SLC6A13: variants seen among roughly 807,000 people sequenced by gnomAD.
SLC6A13 encodes solute carrier family 6 member 13.
SLC6A13 carries 69 observed loss-of-function variants against 72.9 expected under a neutral mutation model. The observed-to-expected ratio is 0.95, with a 90% confidence interval of 0.78 to 1.16. The LOEUF (loss-of-function observed/expected upper bound fraction) is 1.16, where lower values mean the gene tolerates loss of function less well. Ranked by LOEUF, SLC6A13 falls within the 50% of genes most tolerant of loss-of-function variation. The pLI is 0.00. For missense variants in SLC6A13, 735 were observed against 760.5 expected, an observed-to-expected ratio of 0.97 and a Z score of 0.39; for synonymous variants, 303 against 303.0, an observed-to-expected ratio of 1.00 and a Z score of 0.00.
At chr12:257,455 T>C (rs1206430573) in intron 2 of SLC6A13, among the ~76,000 whole-genome samples, 1 of 152,104 alleles carries the variant, frequency 6.6e-6, no homozygotes, top group Non-Finnish European at 1.5e-5. Flanking sequence ...GGGAAGAAGT[T>C]ACGGGTAGGT....
chr12:244,490 ACCAG>A (rs1591851004), intron 2 of SLC6A13, among the ~76,000 whole-genome samples: 1 of 151,986 alleles, frequency 6.6e-6, no homozygotes, highest in Non-Finnish European at 1.5e-5. Flanking sequence ...GGACTTCAAG[ACCAG>A]CCTGGGCAAC....
chr12:248,429 T>A (rs746942643), intron 2 of SLC6A13, among the ~76,000 whole-genome samples: 84 of 141,852 alleles, frequency 5.9e-4, no homozygotes, highest in Non-Finnish European at 1.1e-3. Flanking sequence ...AAAAAAGATA[T>A]ACCATGCTAA....
rs917425925 is a variant in SLC6A13 at position 227,775 on chromosome 12, G to A, written c.832-107C>T. Reference sequence around the variant, plus strand: ...GAGCCAGACACTGGCTAGGGATGGCGAGAAACCTGTTCTCAGCCAACACTT... The same window carrying A: ...GAGCCAGACACTGGCTAGGGATGGCAAGAAACCTGTTCTCAGCCAACACTT... On this transcript the variant is annotated intron_variant, in intron 7 of 14. Coordinates refer to ENST00000343164, the MANE Select transcript of SLC6A13 (RefSeq NM_016615.5). 94 of 926,656 alleles carry A rather than the reference G, an allele frequency of 1.0e-4. No individual in the cohort carries two copies. In the Middle Eastern group the frequency reaches 1.1e-3, roughly 11 times the overall value. 57.4% of individuals were successfully genotyped at this position (926,656 alleles called of 1,614,324 possible).
intron 7 of SLC6A13, among the ~76,000 whole-genome samples, chr12:234,043 TG>T (rs1342787852): frequency 2.0e-5 from 3 of 152,102 alleles, no homozygotes; most frequent in Non-Finnish European, 4.4e-5. Flanking sequence ...GTAAAGAAGC[TG>T]GCCAAAACCC....
chr12:251,284 A>C (rs1390997168), intron 2 of SLC6A13, among the ~76,000 whole-genome samples: 1 of 152,218 alleles, frequency 6.6e-6, no homozygotes, highest in Non-Finnish European at 1.5e-5. Context: ...AAACAGATCA[A>C]TGGAACAGAG....
intron 13 of SLC6A13, 61 bp downstream of exon 13, chr12:222,471 A>G: frequency 9.4e-7 from 1 of 1,063,574 alleles, no homozygotes; most frequent in Non-Finnish European, 1.4e-6. Context: ...CGGCTTCTCT[A>G]CCCCTGCTAG....
At chr12:238,033 G>GA in intron 4 of SLC6A13, 23 bp from the exon 5 acceptor site, 1 of 1,603,710 alleles carries the variant, frequency 6.2e-7, no homozygotes, top group Non-Finnish European at 8.5e-7. Context: ...CACGAGGAGG[G>GA]AAAAAAGAGA....
chr12:229,030 A>G (rs1175887840), intron 7 of SLC6A13, among the ~76,000 whole-genome samples: 1 of 151,986 alleles, frequency 6.6e-6, no homozygotes. Context: ...AAAGGGGAAA[A>G]TGTCTCCAGC....
At chr12:224,884 A>G (rs1343510969) in intron 9 of SLC6A13, among the ~76,000 whole-genome samples, 1 of 152,210 alleles carries the variant, frequency 6.6e-6, no homozygotes, top group East Asian at 1.9e-4. Context: ...TCTAGTGCAG[A>G]ATGCAAGGAG....
chr12:243,847 G>A, intron 2 of SLC6A13, 34 bp from the exon 3 acceptor site: 4 of 1,606,802 alleles, frequency 2.5e-6, no homozygotes, highest in Non-Finnish European at 3.4e-6. Flanking sequence ...CATTTCCTGG[G>A]ACTATTCTCC....
chr12:231,838 T>C (rs955426458), intron 7 of SLC6A13, among the ~76,000 whole-genome samples: 2 of 152,180 alleles, frequency 1.3e-5, no homozygotes, highest in African/African-American at 4.8e-5. Context: ...ATCCGGCACA[T>C]AGTAGGTGCT....
intron 8 of SLC6A13, 125 bp downstream of exon 8, chr12:227,440 T>A: frequency 6.6e-6 from 10 of 1,505,132 alleles, no homozygotes; most frequent in Non-Finnish European, 8.9e-6. Context: ...GTGTTGGATA[T>A]GGGGGTGTAG....
rs373350997 is a variant in SLC6A13 at position 261,311 on chromosome 12, T to A, written c.-5-1254A>T. Among the ~76,000 whole-genome samples the A allele has an allele frequency of 1.3e-3, 197 of 152,338 alleles. 1 individual carries two copies. Among genetic ancestry groups the A allele is most frequent in the Middle Eastern group, 3.4e-3 (1 of 294 alleles). On this transcript the variant is annotated intron_variant, in intron 1 of 14. Coordinates refer to ENST00000343164, the MANE Select transcript of SLC6A13 (RefSeq NM_016615.5). ...TACCTCCACTTTATAAATAAGGAAG[T>A]TGCAGCTCAGAGAGGTTAAATAATG...
intron 1 of SLC6A13, among the ~76,000 whole-genome samples, chr12:260,407 G>C: frequency 6.6e-6 from 1 of 152,188 alleles, no homozygotes; most frequent in East Asian, 1.9e-4. Flanking sequence ...GCCTCGTCGG[G>C]ATTAGCATGT....
intron 7 of SLC6A13, among the ~76,000 whole-genome samples, chr12:232,423 C>A (rs970034140): frequency 1.3e-5 from 2 of 152,228 alleles, no homozygotes; most frequent in Non-Finnish European, 2.9e-5. Context: ...CCCTACAACT[C>A]CTGCTCGCCA....
intron 2 of SLC6A13, among the ~76,000 whole-genome samples, chr12:250,727 T>C (rs888243181): frequency 3.4e-5 from 5 of 148,524 alleles, no homozygotes; most frequent in African/African-American, 1.2e-4. Context: ...AATTGATCTA[T>C]AGATTTAATA....
chr12:249,995 GATAA>G (rs1387369173), intron 2 of SLC6A13, among the ~76,000 whole-genome samples: 1 of 152,096 alleles, frequency 6.6e-6, no homozygotes, highest in Non-Finnish European at 1.5e-5. Context: ...ATAATAAATG[GATAA>G]ATAAATAATG....
chr12:262,752 C>G, intron 1 of SLC6A13, 37 bp downstream of exon 1: 1 of 959,830 alleles, frequency 1.0e-6, no homozygotes, highest in Non-Finnish European at 1.2e-6. Flanking sequence ...GTCTGAGACG[C>G]AGAAATAGAA....
intron 6 of SLC6A13, among the ~76,000 whole-genome samples, chr12:235,600 G>C (rs990670182): frequency 1.3e-5 from 2 of 152,064 alleles, no homozygotes; most frequent in African/African-American, 4.8e-5. Flanking sequence ...TGTACAAATT[G>C]ATTGTAAAAC....
Sources: allele counts gnomAD v4.1 joint callset (sites outside exome capture counted in the v4.1 genomes callset), GRCh38; gene constraint gnomAD v4.1.1; transcripts MANE v1.5; gene names NCBI Gene and HGNC (gene_info 2026-07-23, HGNC 2026-07-21).